The following ANK2 variants were observed in gnomAD, a reference collection of about 807,000 sequenced individuals.
ANK2 encodes the protein ankyrin 2.
ANK2 carries 83 observed loss-of-function variants against 360.5 expected under a neutral mutation model. That is an observed-to-expected ratio of 0.23 (90% CI 0.19 to 0.28). The LOEUF is 0.28. ANK2 is among the 10% of genes least tolerant of loss of function. The pLI, the probability that ANK2 is intolerant of heterozygous loss-of-function variation, is 1.00. For synonymous variants in ANK2, 1,740 were observed against 1,759.5 expected, an observed-to-expected ratio of 0.99 and a Z score of 0.28; for missense variants, 4,201 against 4,795.7, an observed-to-expected ratio of 0.88 and a Z score of 3.66.
chr4:113,320,115 A>C (rs963772719), intron 26 of ANK2, among the ~76,000 whole-genome samples: 1 of 152,250 alleles, frequency 6.6e-6, no homozygotes, highest in Admixed American at 6.5e-5. Context: ...GCAGTAAAGT[A>C]GTCTAAGTAC....
chr4:113,374,894 G>A (rs762033287), intron 45 of ANK2: 19 of 1,255,394 alleles, frequency 1.5e-5, no homozygotes, highest in Non-Finnish European at 2.0e-5. Context: ...AAACATCTGG[G>A]GGATTCTAGT....
chr4:113,055,294 G>C (rs78791153), intron 1 of ANK2, among the ~76,000 whole-genome samples: 3,659 of 152,198 alleles, frequency 0.024, 71 homozygotes, highest in Non-Finnish European at 0.039. Flanking sequence ...CCAGCTACTG[G>C]GGACTGCTGG....
chr4:113,145,737 G>A (rs759604102), intron 1 of ANK2: 41 of 1,167,970 alleles, frequency 3.5e-5, no homozygotes, highest in African/African-American at 8.0e-5. Flanking sequence ...GGTGAGGGGC[G>A]TGGAAGGGAA....
At chr4:113,309,181 A>G (rs995932980) in intron 23 of ANK2, among the ~76,000 whole-genome samples, 2 of 152,220 alleles carry the variant, frequency 1.3e-5, no homozygotes, top group Non-Finnish European at 2.9e-5. Context: ...AATTTTATAT[A>G]GCACTGACAA....
At chr4:112,790,484 C>CTTTTTTT in the ANK2 span, among the ~76,000 whole-genome samples, 2 of 113,794 alleles carry the variant, frequency 1.8e-5, no homozygotes, top group Non-Finnish European at 3.5e-5. Context: ...CTTTTCTTTT[C>CTTTTTTT]TTTTTTTTTT....
intron 17 of ANK2, among the ~76,000 whole-genome samples, chr4:113,281,812 T>G (rs1221780621): frequency 6.6e-6 from 1 of 152,152 alleles, no homozygotes; most frequent in East Asian, 1.9e-4. Flanking sequence ...TTCCTGTCCC[T>G]CTCCACAAAC....
chr4:113,191,083 T>A (rs1487556118), intron 2 of ANK2, among the ~76,000 whole-genome samples: 1 of 152,210 alleles, frequency 6.6e-6, no homozygotes, highest in Non-Finnish European at 1.5e-5. Flanking sequence ...TTCACGCCTA[T>A]AATCCCAGCA....
the ANK2 span, among the ~76,000 whole-genome samples, chr4:112,786,124 G>A: frequency 1.2e-4 from 18 of 152,006 alleles, no homozygotes; most frequent in South Asian, 2.9e-3. Flanking sequence ...TTACAGGCAT[G>A]AGCCACCACG....
intron 14 of ANK2, 85 bp downstream of exon 14, chr4:113,265,080 A>G (rs950022041): frequency 3.3e-6 from 4 of 1,225,972 alleles, no homozygotes; most frequent in Non-Finnish European, 4.7e-6. Context: ...CAGTTCCTTG[A>G]TTTGGAAATA....
chr4:112,722,953 C>T, the ANK2 span, among the ~76,000 whole-genome samples: 1 of 151,184 alleles, frequency 6.6e-6, no homozygotes, highest in African/African-American at 2.4e-5. Context: ...GACAGAGACC[C>T]TGTGTCAAGA....
rs759692259 is a variant in ANK2 at position 113,356,316 on chromosome 4, T to C, written c.7698T>C (p.His2566=). The C allele has an allele frequency of 6.2e-7, 1 of 1,614,076 alleles. No homozygotes were observed. Among genetic ancestry groups the C allele is most frequent in the African/African-American group, 1.3e-5 (1 of 75,010 alleles). ...GTACACCAAAACCAGCTGTGATTCA[T>C]GAATGTGCAGAGGAGGATGATTCAG... The part of the protein sequence containing the change: ...DVSTPKPAVI[H]ECAEEDDSEN... Residue 2566 remains histidine (H), a synonymous_variant, in exon 38 of 46, where the codon CAT becomes CAC. Coordinates refer to ENST00000357077, the MANE Select transcript of ANK2 (RefSeq NM_001148.6).
At chr4:113,211,722 T>C (rs17529711) in intron 4 of ANK2, among the ~76,000 whole-genome samples, 2 of 152,134 alleles carry the variant, frequency 1.3e-5, no homozygotes, top group Admixed American at 6.5e-5. Flanking sequence ...AATTTGAAAT[T>C]CACAGGGTCA....
intron 17 of ANK2, among the ~76,000 whole-genome samples, chr4:113,280,462 T>C (rs565266351): frequency 5.9e-5 from 9 of 152,304 alleles, no homozygotes; most frequent in African/African-American, 1.9e-4. Flanking sequence ...CTTTCACTTA[T>C]CTGCCCCAGC....
chr4:113,177,703 T>G (rs1475700587), intron 2 of ANK2, among the ~76,000 whole-genome samples: 1 of 152,198 alleles, frequency 6.6e-6, no homozygotes, highest in African/African-American at 2.4e-5. Context: ...CTTTTTCTTA[T>G]AGTGGCCAGC....
intron 2 of ANK2, among the ~76,000 whole-genome samples, chr4:113,026,580 G>A (rs886444862): frequency 3.3e-5 from 5 of 152,114 alleles, no homozygotes; most frequent in South Asian, 4.1e-4. Flanking sequence ...GACCTATAGA[G>A]GTATTTTCAG....
chr4:113,232,807 G>A (rs1585515596), intron 5 of ANK2, among the ~76,000 whole-genome samples: 1 of 152,190 alleles, frequency 6.6e-6, no homozygotes, highest in Non-Finnish European at 1.5e-5. Flanking sequence ...AAGAGTTCCA[G>A]GACATCTAGA....
the ANK2 span, among the ~76,000 whole-genome samples, chr4:112,757,788 A>T: frequency 0.013 from 2,020 of 152,344 alleles, 17 homozygotes; most frequent in Non-Finnish European, 0.02. Context: ...ATTATAAAAC[A>T]GGAATAAAGA....
chr4:112,787,325 C>T, the ANK2 span, among the ~76,000 whole-genome samples: 3 of 151,820 alleles, frequency 2.0e-5, no homozygotes, highest in East Asian at 1.9e-4. Context: ...CTACTCCCCT[C>T]GATAAACCCT....
chr4:112,886,696 AC>A (rs949236182), intron 1 of ANK2, among the ~76,000 whole-genome samples: 8 of 151,938 alleles, frequency 5.3e-5, no homozygotes, highest in African/African-American at 1.9e-4. Flanking sequence ...AAACAAATAG[AC>A]TTTCCCTAAA....
Sources: allele counts gnomAD v4.1 joint callset (sites outside exome capture counted in the v4.1 genomes callset), GRCh38; gene constraint gnomAD v4.1.1; transcripts MANE v1.5; gene names NCBI Gene and HGNC (gene_info 2026-07-23, HGNC 2026-07-21).